The following CLOCK variants were observed in gnomAD, a reference collection of about 807,000 sequenced individuals.
The protein encoded by CLOCK is clock circadian regulator.
A neutral mutation model predicts 118.4 loss-of-function variants in CLOCK; 43 were observed. The ratio of observed to expected loss-of-function variants is 0.36; its 90% CI spans 0.28 to 0.47. The LOEUF is 0.47. Ranked by LOEUF, CLOCK falls within the 20% of genes least tolerant of loss-of-function variation. The pLI, the probability that CLOCK is intolerant of heterozygous loss-of-function variation, is 1.00. For missense variants in CLOCK, 846 were observed against 999.9 expected, an observed-to-expected ratio of 0.85 and a Z score of 2.08; for synonymous variants, 326 against 339.2, an observed-to-expected ratio of 0.96 and a Z score of 0.43.
Position 55,537,491 on chromosome 4 carries a change from C to T in CLOCK, c.-290+9291G>A, listed in dbSNP as rs2412650. Among the ~76,000 whole-genome samples the T allele has an allele frequency of 9.5e-3, 1,441 of 151,926 alleles. 28 individuals carry two copies. Among genetic ancestry groups the T allele is most frequent in the African/African-American group, 0.033 (1,370 of 41,396 alleles). On this transcript the variant is annotated intron_variant, in intron 1 of 22. Transcript: ENST00000513440. ...AAAATTAGCCAGGCATGATGGCACGCGCCTGTAATCCCAGCACTTAATAGA... is the reference window on the plus strand; with the variant it reads ...AAAATTAGCCAGGCATGATGGCACGTGCCTGTAATCCCAGCACTTAATAGA...
chr4:55,464,897 CTG>C (rs975543596), intron 8 of CLOCK, among the ~76,000 whole-genome samples: 33 of 152,258 alleles, frequency 2.2e-4, no homozygotes, highest in African/African-American at 7.9e-4. Context: ...ATCATTTCTT[CTG>C]TCTTTTCTCC....
At chr4:55,498,147 A>G (rs976167251) in intron 2 of CLOCK, among the ~76,000 whole-genome samples, 4 of 152,162 alleles carry the variant, frequency 2.6e-5, no homozygotes, top group Admixed American at 2.0e-4. Flanking sequence ...TATAATGACA[A>G]TGTTTGACAT....
At chr4:55,507,057 T>TC (rs1728852422) in intron 2 of CLOCK, among the ~76,000 whole-genome samples, 1 of 152,108 alleles carries the variant, frequency 6.6e-6, no homozygotes, top group Admixed American at 6.6e-5. Flanking sequence ...CTCATGCTTG[T>TC]AATCACAGCA....
chr4:55,431,579 T>C lies in CLOCK; in HGVS notation c.*3836A>G, dbSNP rs987492140. The C allele has an allele frequency of 1.3e-5, 2 of 152,284 alleles. No homozygotes were observed. Among genetic ancestry groups the C allele is most frequent in the Admixed American group, 6.5e-5 (1 of 15,296 alleles). 9.4% of individuals were successfully genotyped at this position (152,284 alleles called of 1,614,324 possible). ...AGAAAGACTCACTCAGCAACATTAATATCCAGTGTTTACCCCCTTCCAACA... is the reference window on the plus strand; with the variant it reads ...AGAAAGACTCACTCAGCAACATTAACATCCAGTGTTTACCCCCTTCCAACA... On this transcript the variant is annotated 3_prime_UTR_variant, in exon 23 of 23. Transcript: ENST00000513440.
chr4:55,485,127 G>GT (rs1727213880), intron 3 of CLOCK, among the ~76,000 whole-genome samples: 2 of 151,916 alleles, frequency 1.3e-5, no homozygotes, highest in Non-Finnish European at 2.9e-5. Flanking sequence ...CCACAAGCCA[G>GT]CTAATTTATC....
chr4:55,446,670 A>C (rs1028226247), intron 18 of CLOCK, among the ~76,000 whole-genome samples: 1 of 152,240 alleles, frequency 6.6e-6, no homozygotes, highest in African/African-American at 2.4e-5. Flanking sequence ...AGTCATGAGC[A>C]GCTCCTATTT....
intron 3 of CLOCK, among the ~76,000 whole-genome samples, chr4:55,483,072 T>G (rs1299338702): frequency 2.0e-5 from 3 of 152,200 alleles, no homozygotes; most frequent in Non-Finnish European, 4.4e-5. Flanking sequence ...CTCTTTACTA[T>G]CAATCAAAAT....
At chr4:55,493,106 A>G (rs1727835999) in intron 2 of CLOCK, among the ~76,000 whole-genome samples, 1 of 152,098 alleles carries the variant, frequency 6.6e-6, no homozygotes, top group Non-Finnish European at 1.5e-5. Flanking sequence ...TAATTGTCCA[A>G]TACTAGAGGC....
chr4:55,500,874 CAG>C (rs1351400270), intron 2 of CLOCK, among the ~76,000 whole-genome samples: 1 of 151,938 alleles, frequency 6.6e-6, no homozygotes, highest in Non-Finnish European at 1.5e-5. Flanking sequence ...GTTTTTGAGA[CAG>C]GGTCTTATTC....
intron 21 of CLOCK, among the ~76,000 whole-genome samples, chr4:55,440,502 CTGTT>C (rs1222644113): frequency 6.6e-6 from 1 of 152,136 alleles, no homozygotes; most frequent in Non-Finnish European, 1.5e-5. Flanking sequence ...TATTTACAAA[CTGTT>C]TATGTAACAA....
chr4:55,487,670 A>C (rs929814740), intron 3 of CLOCK, among the ~76,000 whole-genome samples: 3 of 151,844 alleles, frequency 2.0e-5, no homozygotes, highest in African/African-American at 7.2e-5. Flanking sequence ...GATCCATGGA[A>C]TATAATTACC....
At chr4:55,449,992 T>A (rs901878977) in intron 16 of CLOCK, 99 bp downstream of exon 16, 2 of 1,406,960 alleles carry the variant, frequency 1.4e-6, no homozygotes, top group Non-Finnish European at 2.0e-6. Context: ...TAAAAACTTA[T>A]AATTTTAAAG....
chr4:55,515,047 T>C (rs1007542451), intron 1 of CLOCK, among the ~76,000 whole-genome samples: 1 of 152,226 alleles, frequency 6.6e-6, no homozygotes, highest in African/African-American at 2.4e-5. Context: ...TTATAAATAA[T>C]TGTTGACTCA....
chr4:55,454,613 CAAAAAA>C (rs10566273), intron 13 of CLOCK, among the ~76,000 whole-genome samples: 78 of 69,494 alleles, frequency 1.1e-3, no homozygotes, highest in African/African-American at 4.0e-3. Context: ...GACTCCATCC[CAAAAAA>C]AAAAAAAAAA....
intron 19 of CLOCK, among the ~76,000 whole-genome samples, chr4:55,444,323 G>GT (rs1461672827): frequency 6.6e-6 from 1 of 152,036 alleles, no homozygotes; most frequent in African/African-American, 2.4e-5. Flanking sequence ...TATAAATTCT[G>GT]TACCCAAGAT....
At chr4:55,507,417 A>C (rs1029453639) in intron 2 of CLOCK, among the ~76,000 whole-genome samples, 5 of 152,066 alleles carry the variant, frequency 3.3e-5, no homozygotes, top group African/African-American at 1.2e-4. Flanking sequence ...GTTCAAGACC[A>C]GCCTGTCCAA....
At chr4:55,468,141 A>G (rs1190376526) in intron 8 of CLOCK, among the ~76,000 whole-genome samples, 1 of 152,084 alleles carries the variant, frequency 6.6e-6, no homozygotes, top group African/African-American at 2.4e-5. Context: ...ATTTTTTTGT[A>G]GAGACAGGAT....
At chr4:55,474,810 C>T (rs1726388693) in intron 7 of CLOCK, among the ~76,000 whole-genome samples, 2 of 152,166 alleles carry the variant, frequency 1.3e-5, no homozygotes, top group Admixed American at 1.3e-4. Flanking sequence ...CTGTTGAGAC[C>T]TACTGGTCAG....
chr4:55,435,521 G>A lies in CLOCK; in HGVS notation c.2435C>T (p.Thr812Ile). ...LSAAFPLQQS[T>I]FPQSHHQQHQ... ...TTGCTGGTGATGTGACTGAGGGAAG[G>A]TGCTCTGTTGTAGAGGAAATGCAGC... Residue 812 changes from threonine (T) to isoleucine (I), a missense_variant, in exon 23 of 23, where the codon ACC (threonine) becomes ATC (isoleucine). This residue lies in a region of CLOCK where 520 missense variants were observed against 558.0 expected (regional missense o/e 0.93). Coordinates refer to ENST00000513440, the MANE Select transcript of CLOCK (RefSeq NM_004898.4). The A allele has an allele frequency of 6.2e-7, 1 of 1,614,042 alleles. No homozygotes were observed.
Sources: gnomAD v4.1 joint callset for allele counts (sites outside exome capture counted in the v4.1 genomes callset) on GRCh38, gnomAD v4.1.1 for gene constraint, gnomAD v4.1.1 regional missense constraint, MANE v1.5 for transcripts, NCBI Gene and HGNC (gene_info 2026-07-23, HGNC 2026-07-21) for gene names.